MAP2K3: variants seen among roughly 807,000 people sequenced by gnomAD.
MAP2K3 encodes mitogen-activated protein kinase kinase 3.
MAP2K3 carries 30 observed loss-of-function variants against 46.4 expected under a neutral mutation model. The ratio of observed to expected loss-of-function variants is 0.65; its 90% CI spans 0.48 to 0.88. The LOEUF (loss-of-function observed/expected upper bound fraction) is 0.88, where lower values mean the gene tolerates loss of function less well. MAP2K3 is among the 40% of genes least tolerant of loss of function. MAP2K3 has a pLI of 0.00. For missense variants in MAP2K3, 380 were observed against 464.5 expected, an observed-to-expected ratio of 0.82 and a Z score of 1.67; for synonymous variants, 189 against 176.3, an observed-to-expected ratio of 1.07 and a Z score of -0.57.
intron 9 of MAP2K3, among the ~76,000 whole-genome samples, chr17:21,307,465 C>G (rs1976947427): frequency 6.6e-6 from 1 of 151,992 alleles, no homozygotes; most frequent in Non-Finnish European, 1.5e-5. Flanking sequence ...GACCTGAGGG[C>G]AGGGTAGACC....
At chr17:21,307,892 G>C (rs1976975784) in intron 9 of MAP2K3, among the ~76,000 whole-genome samples, 1 of 127,000 alleles carries the variant, frequency 7.9e-6, no homozygotes, top group Non-Finnish European at 1.5e-5. Flanking sequence ...GTTGCACTCT[G>C]TTGCCTAGCC....
chr17:21,294,241 C>T (rs994057370), intron 1 of MAP2K3, among the ~76,000 whole-genome samples: 1 of 103,752 alleles, frequency 9.6e-6, no homozygotes, highest in African/African-American at 3.5e-5. Flanking sequence ...CCTTGTGGCT[C>T]CTTCCCTGGC....
At chr17:21,298,093 C>A (rs1314238498) in intron 1 of MAP2K3, among the ~76,000 whole-genome samples, 3 of 152,310 alleles carry the variant, frequency 2.0e-5, no homozygotes, top group Admixed American at 6.5e-5. Context: ...ACTAGTCAGG[C>A]AGGGCAGTGA....
At chr17:21,300,690 T>C (rs1976545888) in intron 4 of MAP2K3, 32 bp downstream of exon 4, 2 of 1,597,776 alleles carry the variant, frequency 1.3e-6, no homozygotes, top group African/African-American at 2.7e-5. Flanking sequence ...CTGGGAGGGC[T>C]CCCTGGAGGA....
At chr17:21,304,154 G>T (rs1288723225) in intron 7 of MAP2K3, among the ~76,000 whole-genome samples, 10 of 152,424 alleles carry the variant, frequency 6.6e-5, no homozygotes, top group African/African-American at 2.4e-4. Flanking sequence ...AAAGCACCTG[G>T]AGTCCTGCCT....
chr17:21,296,051 A>T, intron 1 of MAP2K3: 3 of 1,288,342 alleles, frequency 2.3e-6, no homozygotes, highest in Non-Finnish European at 3.0e-6. Flanking sequence ...TATAATTCTC[A>T]TTACTTAGGG....
chr17:21,304,808 G>C (rs1285818012), intron 8 of MAP2K3, among the ~76,000 whole-genome samples: 1 of 152,308 alleles, frequency 6.6e-6, no homozygotes, highest in African/African-American at 2.4e-5. Flanking sequence ...CTGGTGGGCT[G>C]TGCAGGTCCC....
chr17:21,300,127 G>A (rs62057671), intron 3 of MAP2K3, among the ~76,000 whole-genome samples: 3 of 152,312 alleles, frequency 2.0e-5, no homozygotes, highest in Non-Finnish European at 4.4e-5. Context: ...AAACATCTGT[G>A]AAGGCAATAC....
chr17:21,285,520 C>T (rs1159348620), intron 1 of MAP2K3, among the ~76,000 whole-genome samples: 1 of 152,108 alleles, frequency 6.6e-6, no homozygotes, highest in Non-Finnish European at 1.5e-5. Flanking sequence ...CGGAACTCCC[C>T]GTCCTTCTCT....
chr17:21,292,217 G>A (rs1164858958), intron 1 of MAP2K3, among the ~76,000 whole-genome samples: 2 of 152,312 alleles, frequency 1.3e-5, no homozygotes, highest in Non-Finnish European at 2.9e-5. Flanking sequence ...ACAGAGGAGA[G>A]TGCTGGGGCT....
rs1976303540 is a variant in MAP2K3 at position 21,297,175 on chromosome 17, C to T, written c.50-1238C>T. ...ATCTGGGCTGGGTTGGCTGCTGGGC[C>T]CCGGTGCGTGGCTCTGAGATGGGGC... On this transcript the variant is annotated intron_variant, in intron 1 of 11. Coordinates refer to ENST00000342679, the MANE Select transcript of MAP2K3 (RefSeq NM_145109.3). Among the ~76,000 whole-genome samples, 3 of 152,428 alleles carry T rather than the reference C, an allele frequency of 2.0e-5. No homozygotes were observed. In the South Asian group the frequency reaches 6.2e-4, roughly 32 times the overall value.
intron 8 of MAP2K3, 142 bp from the exon 9 acceptor site, chr17:21,304,909 G>A (rs7208462): frequency 0.16 from 153,038 of 979,126 alleles, 7 homozygotes; most frequent in South Asian, 0.23. Context: ...GCATGACCCA[G>A]GCCCTCCTAG....
At chr17:21,296,799 A>T (rs1597809456) in intron 1 of MAP2K3, among the ~76,000 whole-genome samples, 1 of 152,310 alleles carries the variant, frequency 6.6e-6, no homozygotes, top group Non-Finnish European at 1.5e-5. Context: ...GTGTTGCTGC[A>T]TCTTAAAATG....
chr17:21,310,903 C>T (rs1347224277), intron 9 of MAP2K3, among the ~76,000 whole-genome samples: 3 of 152,232 alleles, frequency 2.0e-5, no homozygotes, highest in Non-Finnish European at 4.4e-5. Flanking sequence ...AAGGTTTGGA[C>T]ACTTCTGCTT....
At chr17:21,297,985 C>A (rs1050001751) in intron 1 of MAP2K3, among the ~76,000 whole-genome samples, 1 of 151,862 alleles carries the variant, frequency 6.6e-6, no homozygotes, top group African/African-American at 2.4e-5. Context: ...AGTATGAGCC[C>A]CATCCTGCTA....
At chr17:21,285,090 C>T (rs1369657972) in intron 1 of MAP2K3, 121 bp downstream of exon 1, 23 of 1,387,784 alleles carry the variant, frequency 1.7e-5, no homozygotes, top group Non-Finnish European at 2.1e-5. Context: ...GGCGTCCGGT[C>T]CCGGAACCCC....
Position 21,284,864 on chromosome 17 carries a change from G to C in MAP2K3, c.-57G>C. 1.9e-6 allele frequency: 3 copies of C among 1,582,934 alleles called. No individual in the cohort carries two copies. Among genetic ancestry groups the C allele is most frequent in the South Asian group, 2.3e-5 (2 of 87,738 alleles). On this transcript the variant is annotated 5_prime_UTR_variant, in exon 1 of 12. Coordinates refer to ENST00000342679, the MANE Select transcript of MAP2K3 (RefSeq NM_145109.3). The stretch of plus-strand genomic sequence containing the variant: ...GCAGCCATGAGCGTGCTCGGCCCCG[G>C]TGGAGCCCGCAGTCCTCTAGATTAG...
intron 9 of MAP2K3, among the ~76,000 whole-genome samples, chr17:21,308,310 G>A (rs34095540): frequency 1.7e-3 from 263 of 151,946 alleles, no homozygotes; most frequent in Middle Eastern, 3.4e-3. Flanking sequence ...ACCATGCCCG[G>A]CTAATTTTTG....
intron 1 of MAP2K3, among the ~76,000 whole-genome samples, chr17:21,292,790 C>T (rs1976017194): frequency 6.6e-6 from 1 of 152,208 alleles, no homozygotes. Context: ...CATGGTCTGA[C>T]CGGCATTTTC....
Sources: gnomAD v4.1 joint callset for allele counts (sites outside exome capture counted in the v4.1 genomes callset) on GRCh38, gnomAD v4.1.1 for gene constraint, MANE v1.5 for transcripts, NCBI Gene and HGNC (gene_info 2026-07-23, HGNC 2026-07-21) for gene names.